GPR179: variants seen among roughly 807,000 people sequenced by gnomAD.
GPR179 encodes the protein probable G protein-coupled receptor 179.
Under a neutral mutation model 70.8 loss-of-function variants are expected in GPR179, and 52 were observed. The observed-to-expected ratio is 0.73, with a 90% CI of 0.59 to 0.93. The LOEUF is 0.93. Among genes scored for constraint, GPR179 ranks in the 40% least tolerant of loss-of-function variants. The pLI is 0.00. For missense variants in GPR179, 2,734 were observed against 2,966.8 expected (o/e 0.92, Z 1.82); for synonymous variants, 1,123 against 1,169.0 (o/e 0.96, Z 0.80).
rs943705802 is a variant in GPR179, at chr17:38,331,000, C to A, written c.2569G>T (p.Ala857Ser). ...REKALLMASQAYLEETYRQAK... is the reference protein window; with the variant it reads ...REKALLMASQSYLEETYRQAK... ...TGCCGGTAGGTCTCCTCCAGGTAGG[C>A]CTGGCTGGCCATGAGCAAGGCCTTT... Residue 857 changes from alanine to serine, a missense_variant, in exon 11 of 11, where the codon GCC (alanine) becomes TCC (serine). Transcript: ENST00000616987. 4 of 1,611,648 alleles carry A rather than the reference C, an allele frequency of 2.5e-6. No individual in the cohort carries two copies. In the African/African-American group the frequency reaches 4.0e-5, roughly 16 times the overall value.
Position 38,343,934 on chromosome 17 carries a change from A to G in GPR179, c.-145T>C. On this transcript the variant is annotated 5_prime_UTR_variant, in exon 1 of 11. Transcript: ENST00000616987. The surrounding 1 kb of genome is among the most constrained non-coding windows in gnomAD (Gnocchi z 4.2). ...TCCGTCTCCCTCTCACGCTGGTGCC[A>G]GCTCGCCTGCTTTTTTCTTCTCTCT... The G allele has an allele frequency of 1.5e-6, 1 of 662,880 alleles. No individual in the cohort carries two copies. Among genetic ancestry groups the G allele is most frequent in the East Asian group, 2.8e-5 (1 of 35,160 alleles). The allele number at this position is 662,880 out of a possible 1,614,324, so 41.1% of individuals were successfully genotyped here.
rs1381746956 is a variant in GPR179 at position 38,334,676 on chromosome 17, G to A, written c.1784+28C>T. On this transcript the variant is annotated intron_variant, in intron 8 of 10. Coordinates refer to ENST00000616987, the MANE Select transcript of GPR179 (RefSeq NM_001004334.4). This position sits in a 1 kb window ranked among gnomAD's most constrained non-coding sequence, Gnocchi z 4.7. Reference sequence around the variant, plus strand: ...TGAGGAGTACTGTTAGAGTGGAAGGGGGTGTGGGGAGGTGAGTCCGTCCTC... The same window carrying A: ...TGAGGAGTACTGTTAGAGTGGAAGGAGGTGTGGGGAGGTGAGTCCGTCCTC... 1 of 1,610,652 alleles carries A rather than the reference G, an allele frequency of 6.2e-7. No individual in the cohort carries two copies. Among genetic ancestry groups the A allele is most frequent in the South Asian group, 1.1e-5 (1 of 90,992 alleles).
chr17:38,342,125 A>AG (rs1206458828), intron 1 of GPR179, among the ~76,000 whole-genome samples: 3 of 152,004 alleles, frequency 2.0e-5, no homozygotes, highest in Admixed American at 6.6e-5. Flanking sequence ...TTGAAAAAAA[A>AG]AAAGTTTTCC....
In GPR179 at chr17:38,330,948, T is replaced by C; in HGVS notation, c.2621A>G (p.Lys874Arg). ...RQAKEREERK[K>R]AKAAMASLVR... Reference sequence around the variant, plus strand: ...CAGGCTGGCCATGGCTGCCTTGGCCTTCTTCCGCTCCTCCCGCTCCTTTGC... The same window carrying C: ...CAGGCTGGCCATGGCTGCCTTGGCCCTCTTCCGCTCCTCCCGCTCCTTTGC... Residue 874 changes from lysine to arginine, a missense_variant, in exon 11 of 11, where the codon AAG (lysine) becomes AGG (arginine). Transcript: ENST00000616987. 1 of 1,611,182 alleles carries C rather than the reference T, an allele frequency of 6.2e-7. No homozygotes were observed. Among genetic ancestry groups the C allele is most frequent in the Non-Finnish European group, 8.5e-7 (1 of 1,179,034 alleles).
At position 38,325,269 on chromosome 17, in the gene GPR179, TAAGA is replaced by T. The variant is rs548370721; in HGVS notation, c.*1192_*1195del. ...GGGAGCCAAGAAAGAGAGAGCTCCCTAAGAAAGAAGGCTTTGTCTTCACACAGTG... is the reference window on the plus strand; with the variant it reads ...GGGAGCCAAGAAAGAGAGAGCTCCCTAAGAAGGCTTTGTCTTCACACAGTG... On this transcript the variant is annotated 3_prime_UTR_variant, in exon 11 of 11. Coordinates refer to ENST00000616987, the MANE Select transcript of GPR179 (RefSeq NM_001004334.4). Among the ~76,000 whole-genome samples, 449 of 152,316 alleles carry T rather than the reference TAAGA, an allele frequency of 2.9e-3. No homozygotes were observed. The highest frequency in any genetic ancestry group is 4.4e-3 in the Non-Finnish European group (296 of 68,012).
At chr17:38,332,434 A>T (rs1469907704) in intron 10 of GPR179, among the ~76,000 whole-genome samples, 1 of 152,124 alleles carries the variant, frequency 6.6e-6, no homozygotes, top group Non-Finnish European at 1.5e-5. Context: ...CAGAAATGAG[A>T]ATAAGCATGC....
At position 38,328,832 on chromosome 17, in the gene GPR179, C is replaced by A; in HGVS notation, c.4737G>T (p.Arg1579Ser). 1 of 1,613,926 alleles carries A rather than the reference C, an allele frequency of 6.2e-7. No homozygotes were observed. The highest frequency in any genetic ancestry group is 8.5e-7 in the Non-Finnish European group (1 of 1,179,982). ...ATQVCPQEDLRPEAQEATPAK... is the reference protein window; with the variant it reads ...ATQVCPQEDLSPEAQEATPAK... ...CAGGTGTTGCTTCCTGTGCCTCCGG[C>A]CTGAGATCTTCCTGTGGACACACCT... Residue 1579 changes from arginine to serine, a missense_variant, in exon 11 of 11, where the codon AGG becomes AGT. Physicochemically the swap from Arg to Ser is moderately radical, Grantham distance 110 (BLOSUM62 -1). Coordinates refer to ENST00000616987, the MANE Select transcript of GPR179 (RefSeq NM_001004334.4).
chr17:38,326,298 G>A lies in GPR179; in HGVS notation c.*167C>T, dbSNP rs1378453778. 49 of 599,988 alleles carry A rather than the reference G, an allele frequency of 8.2e-5. No individual in the cohort carries two copies. The highest frequency in any genetic ancestry group is 3.3e-4 in the South Asian group (15 of 45,934). 37.2% of individuals were successfully genotyped at this position (599,988 alleles called of 1,614,324 possible). A position where few individuals can be genotyped will look rare whatever the true frequency, so the allele number is the denominator to read the frequency against. On this transcript the variant is annotated 3_prime_UTR_variant, in exon 11 of 11. Coordinates refer to ENST00000616987, the MANE Select transcript of GPR179 (RefSeq NM_001004334.4). Reference sequence around the variant, plus strand: ...GGGCCTTCCCATTGGGGTCTAAGCTGTACCCTTTTCATGCAGTTTGTCTTT... The same window carrying A: ...GGGCCTTCCCATTGGGGTCTAAGCTATACCCTTTTCATGCAGTTTGTCTTT...
In GPR179 at chr17:38,334,917, TG is replaced by T. The variant is rs1160535611; in HGVS notation, c.1646-76del. The T allele has an allele frequency of 1.2e-6, 2 of 1,600,028 alleles. No individual in the cohort carries two copies. Among genetic ancestry groups the T allele is most frequent in the Admixed American group, 3.4e-5 (2 of 59,692 alleles). On this transcript the variant is annotated intron_variant, in intron 7 of 10. Transcript: ENST00000616987. This position sits in a 1 kb window ranked among gnomAD's most constrained non-coding sequence, Gnocchi z 4.7. Reference sequence around the variant, plus strand: ...CCACCCCTTTCTCTGAAAGATGTGCTGGGGGGAGCCTGGGCTCGGGGTCTGG... The same window carrying T: ...CCACCCCTTTCTCTGAAAGATGTGCTGGGGGAGCCTGGGCTCGGGGTCTGG...
In GPR179 at chr17:38,329,458, G is replaced by T; in HGVS notation, c.4111C>A (p.His1371Asn). ...PGWEAAGPEA[H>N]TPDITKAEPC... ...TCTGCCTTGGTGATGTCAGGGGTATGAGCTTCTGGGCCAGCAGCTTCCCAC... is the reference window on the plus strand; with the variant it reads ...TCTGCCTTGGTGATGTCAGGGGTATTAGCTTCTGGGCCAGCAGCTTCCCAC... The change falls in exon 11 of 11, where the codon CAT becomes AAT. Residue 1371 changes from histidine to asparagine, a missense_variant. By Grantham distance (68) the His-to-Asn change is moderately conservative. Coordinates refer to ENST00000616987, the MANE Select transcript of GPR179 (RefSeq NM_001004334.4). 3 of 1,613,944 alleles carry T rather than the reference G, an allele frequency of 1.9e-6. No homozygotes were observed. Among genetic ancestry groups the T allele is most frequent in the Non-Finnish European group, 1.7e-6 (2 of 1,179,994 alleles).
At position 38,329,827 on chromosome 17, in the gene GPR179, C is replaced by A. The variant is rs768536049; in HGVS notation, c.3742G>T (p.Val1248Phe). Reference protein sequence around the residue: ...HRVAEVCPWEVTESETRQPDS... With the variant: ...HRVAEVCPWEFTESETRQPDS... Reference sequence around the variant, plus strand: ...GGCTGACGCGTTTCTGATTCAGTGACCTCCCAGGGGCATACCTCTGCCACC... The same window carrying A: ...GGCTGACGCGTTTCTGATTCAGTGAACTCCCAGGGGCATACCTCTGCCACC... The change falls in exon 11 of 11, where the codon GTC becomes TTC. Residue 1248 changes from valine to phenylalanine, a missense_variant. Coordinates refer to ENST00000616987, the MANE Select transcript of GPR179 (RefSeq NM_001004334.4). 1.9e-6 allele frequency: 3 copies of A among 1,614,092 alleles called. No individual in the cohort carries two copies. Among genetic ancestry groups the A allele is most frequent in the African/African-American group, 1.3e-5 (1 of 75,024 alleles).
At chr17:38,342,007 C>T (rs1374948584) in intron 1 of GPR179, among the ~76,000 whole-genome samples, 2 of 152,104 alleles carry the variant, frequency 1.3e-5, no homozygotes, top group East Asian at 3.9e-4. Context: ...ATCCCAGCTA[C>T]TCAGGAGGCT....
Position 38,330,785 on chromosome 17 carries a change from C to A in GPR179, c.2784G>T (p.Leu928=). ...CCTGGTGCCTGATGGGTGGATGAGGCAGCCTTCTCCTAGCCTCCTCATGAA... is the reference window on the plus strand; with the variant it reads ...CCTGGTGCCTGATGGGTGGATGAGGAAGCCTTCTCCTAGCCTCCTCATGAA... ...GRLHEEARRR[L]PHPPIRHQVS... The change falls in exon 11 of 11, where the codon CTG becomes CTT. Residue 928 remains leucine (L), a synonymous_variant. Coordinates refer to ENST00000616987, the MANE Select transcript of GPR179 (RefSeq NM_001004334.4). 6.3e-7 allele frequency: 1 copy of A among 1,595,708 alleles called. No individual in the cohort carries two copies. Among genetic ancestry groups the A allele is most frequent in the Non-Finnish European group, 8.6e-7 (1 of 1,169,160 alleles).
rs2037306546 is a variant in GPR179, at chr17:38,328,004, C to A, written c.5565G>T (p.Leu1855=). 2.5e-6 allele frequency: 4 copies of A among 1,613,990 alleles called. No individual in the cohort carries two copies. Among genetic ancestry groups the A allele is most frequent in the Non-Finnish European group, 3.4e-6 (4 of 1,180,014 alleles). Residue 1855 remains leucine, a synonymous_variant, in exon 11 of 11, where the codon CTG becomes CTT. Coordinates refer to ENST00000616987, the MANE Select transcript of GPR179 (RefSeq NM_001004334.4). Reference sequence around the variant, plus strand: ...CCATCCCTTTTGATACGTCTTCTCCCAGGGAAGTGAGTCTCCCCTTTTCTA... The same window carrying A: ...CCATCCCTTTTGATACGTCTTCTCCAAGGGAAGTGAGTCTCCCCTTTTCTA... ...KALEKGRLTS[L]GEDVSKGMAK...
At chr17:38,342,116 TGA>T (rs1567728066) in intron 1 of GPR179, among the ~76,000 whole-genome samples, 1 of 151,086 alleles carries the variant, frequency 6.6e-6, no homozygotes, top group Non-Finnish European at 1.5e-5. Context: ...GACTCTGTCT[TGA>T]AAAAAAAAAA....
Position 38,328,749 on chromosome 17 carries a change from G to C in GPR179, c.4820C>G (p.Ser1607Ter), listed in dbSNP as rs1208942454. Residue 1607 changes from serine (S) to a stop codon, truncating the protein, a stop_gained, in exon 11 of 11, where the codon TCA becomes TGA. Transcript: ENST00000616987. LOFTEE classifies it low-confidence loss of function (END_TRUNC). Reference protein sequence around the residue: ...VNERTREEWTSAQVPRGGESQ... With the variant: ...VNERTREEWT ...TTCTCCTCCTCTTGGCACCTGTGCT[G>C]ATGTCCATTCCTCTCTTGTTCTTTC... 1 of 1,613,096 alleles carries C rather than the reference G, an allele frequency of 6.2e-7. No individual in the cohort carries two copies. Among genetic ancestry groups the C allele is most frequent in the African/African-American group, 1.3e-5 (1 of 74,678 alleles).
chr17:38,337,056 A>C lies in GPR179; in HGVS notation c.1149T>G (p.Ala383=), dbSNP rs370746713. The C allele has an allele frequency of 1.2e-6, 2 of 1,608,488 alleles. No individual in the cohort carries two copies. The highest frequency in any genetic ancestry group is 1.1e-5 in the South Asian group (1 of 90,016). The change falls in exon 4 of 11, where the codon GCT becomes GCG. Residue 383 remains alanine, a synonymous_variant. Transcript: ENST00000616987. ...TGCAGCAGGCCTGGCAGGCCAGCAC[A>C]GCGGCCCGCAGCACCGCGGCCTCTT... ...LVEEAAVLRA[A]VLACQACCML...
chr17:38,324,859 G>A lies in GPR179; in HGVS notation c.*1606C>T, dbSNP rs2037270450. Among the ~76,000 whole-genome samples the A allele has an allele frequency of 6.6e-6, 1 of 152,216 alleles. No homozygotes were observed. The highest frequency in any genetic ancestry group is 1.5e-5 in the Non-Finnish European group (1 of 68,044). On this transcript the variant is annotated 3_prime_UTR_variant, in exon 11 of 11. Coordinates refer to ENST00000616987, the MANE Select transcript of GPR179 (RefSeq NM_001004334.4). ...GGAGAGTAGGTTACTCCATTCCTCT[G>A]TTCCCTTTTGGAAATGGAGTACTTT...
chr17:38,328,729 C>T lies in GPR179; in HGVS notation c.4840G>A (p.Gly1614Arg), dbSNP rs778349619. The T allele has an allele frequency of 1.9e-6, 3 of 1,613,878 alleles. No individual in the cohort carries two copies. The highest frequency in any genetic ancestry group is 1.7e-6 in the Non-Finnish European group (2 of 1,179,954). ...TTCTCCTTGTCCTTTTGAGATTCTCCTCCTCTTGGCACCTGTGCTGATGTC... is the reference window on the plus strand; with the variant it reads ...TTCTCCTTGTCCTTTTGAGATTCTCTTCCTCTTGGCACCTGTGCTGATGTC... ...EWTSAQVPRGGESQKDKEKMP... is the reference protein window; with the variant it reads ...EWTSAQVPRGRESQKDKEKMP... The change falls in exon 11 of 11, where the codon GGA becomes AGA. Residue 1614 changes from glycine to arginine, a missense_variant. Gly to Arg is a moderately radical substitution (Grantham distance 125). Coordinates refer to ENST00000616987, the MANE Select transcript of GPR179 (RefSeq NM_001004334.4).
Sources: allele counts gnomAD v4.1 joint callset (sites outside exome capture counted in the v4.1 genomes callset), GRCh38; gene constraint gnomAD v4.1.1; non-coding constraint Gnocchi (gnomAD v3.1); transcripts MANE v1.5; gene names NCBI Gene and HGNC (gene_info 2026-07-23, HGNC 2026-07-21).